CRACDL: variants seen among roughly 807,000 people sequenced by gnomAD.
CRACDL encodes the protein CRACD like, also known as CRACD-like protein.
Under a neutral mutation model 70.6 loss-of-function variants are expected in CRACDL, and 26 were observed. The ratio of observed to expected loss-of-function variants is 0.37; its 90% CI spans 0.27 to 0.51. The LOEUF is 0.51. Among genes scored for constraint, CRACDL ranks in the 20% least tolerant of loss-of-function variants. The pLI is 0.94. For missense variants in CRACDL, 1,283 were observed against 1,376.9 expected (o/e 0.93, Z 1.08); for synonymous variants, 618 against 615.2 (o/e 1.00, Z -0.07).
At chr2:98,875,601 G>A (rs980300029) in intron 1 of CRACDL, among the ~76,000 whole-genome samples, 1 of 152,254 alleles carries the variant, frequency 6.6e-6, no homozygotes, top group Admixed American at 6.5e-5. Context: ...CTATCAGCTG[G>A]TGGTCTGGGC....
rs753045151 is a variant in CRACDL at position 98,822,198 on chromosome 2, G to C, written c.2075C>G (p.Ser692Trp). Residue 692 changes from serine to tryptophan, a missense_variant, in exon 7 of 10, where the codon TCG (serine) becomes TGG (tryptophan). Ser to Trp is a radical substitution (Grantham distance 177). Coordinates refer to ENST00000397899, the MANE Select transcript of CRACDL (RefSeq NM_207362.3). This position sits in a 1 kb window ranked among gnomAD's most constrained non-coding sequence, Gnocchi z 4.9. ...AGAGGCGCCATCCCTGTATTTGAGC[G>C]AGAGGGAGGTGGACCGGAGCTTGAC... Reference protein sequence around the residue: ...FPVKLRSTSLSLKYRDGASQE... With the variant: ...FPVKLRSTSLWLKYRDGASQE... 1 of 1,610,916 alleles carries C rather than the reference G, an allele frequency of 6.2e-7. No individual in the cohort carries two copies. The highest frequency in any genetic ancestry group is 1.7e-5 in the Admixed American group (1 of 59,910).
chr2:98,922,213 A>G (rs1040960139), intron 1 of CRACDL, among the ~76,000 whole-genome samples: 4 of 152,070 alleles, frequency 2.6e-5, no homozygotes, highest in African/African-American at 9.7e-5. Flanking sequence ...AGGCAGGTGG[A>G]TCATGAGGTC....
At chr2:98,896,740 TTTG>T (rs1172075122) in intron 1 of CRACDL, among the ~76,000 whole-genome samples, 5 of 152,176 alleles carry the variant, frequency 3.3e-5, no homozygotes, top group Non-Finnish European at 5.9e-5. Context: ...CCTATCTTAC[TTTG>T]TTGTTGTTGT....
intron 1 of CRACDL, among the ~76,000 whole-genome samples, chr2:98,873,874 C>A (rs1707414654): frequency 6.6e-6 from 1 of 152,176 alleles, no homozygotes; most frequent in Admixed American, 6.5e-5. Flanking sequence ...GGCGTGGTGG[C>A]ACATGCCTGT....
intron 1 of CRACDL, among the ~76,000 whole-genome samples, chr2:98,930,664 G>A (rs538928826): frequency 3.3e-5 from 5 of 152,014 alleles, no homozygotes; most frequent in East Asian, 1.9e-4. Flanking sequence ...TCTAAATTGC[G>A]TCAAGGTTGT....
At chr2:98,919,343 A>AT (rs770831872) in intron 1 of CRACDL, among the ~76,000 whole-genome samples, 25 of 152,092 alleles carry the variant, frequency 1.6e-4, no homozygotes, top group Non-Finnish European at 2.8e-4. Context: ...TTTCAGGACA[A>AT]TTTTTTCCTT....
Position 98,822,587 on chromosome 2 carries a change from C to A in CRACDL, c.1686G>T (p.Glu562Asp). The change falls in exon 7 of 10, where the codon GAG becomes GAT. Residue 562 changes from glutamate (E) to aspartate (D), a missense_variant. Physicochemically the swap from Glu to Asp is conservative, Grantham distance 45 (BLOSUM62 2). Coordinates refer to ENST00000397899, the MANE Select transcript of CRACDL (RefSeq NM_207362.3). This position sits in a 1 kb window ranked among gnomAD's most constrained non-coding sequence, Gnocchi z 4.9. ...CGCCTCGCAGCTCGGCACCGCCCCT[C>A]TCCGCCTTCCGCTCTGGCGCCGCCC... ...AERAAPERKA[E>D]RGGAELRGAK... The A allele has an allele frequency of 1.4e-6, 2 of 1,442,346 alleles. No homozygotes were observed. Among genetic ancestry groups the A allele is most frequent in the Non-Finnish European group, 9.1e-7 (1 of 1,103,748 alleles). The allele number at this position is 1,442,346 out of a possible 1,614,324, so 89.3% of individuals were successfully genotyped here.
At chr2:98,834,649 A>G (rs1037519484) in intron 3 of CRACDL, among the ~76,000 whole-genome samples, 7 of 152,244 alleles carry the variant, frequency 4.6e-5, no homozygotes, top group Non-Finnish European at 8.8e-5. Flanking sequence ...GTGCAAAGAT[A>G]CCTACATTGA....
chr2:98,921,116 C>T (rs1380452378), intron 1 of CRACDL, among the ~76,000 whole-genome samples: 1 of 152,254 alleles, frequency 6.6e-6, no homozygotes, highest in Non-Finnish European at 1.5e-5. Flanking sequence ...GATCCTCTCT[C>T]CCTTGGGAAG....
In CRACDL at chr2:98,910,520, C is replaced by CT. The variant is rs1558635583; in HGVS notation, c.-11+25417_-11+25418insA. On this transcript the variant is annotated intron_variant, in intron 1 of 9. Coordinates refer to ENST00000397899, the MANE Select transcript of CRACDL (RefSeq NM_207362.3). Reference sequence around the variant, plus strand: ...TGGGCAACACAGCAAGACTCTGTCTCAAAATAAATAAATAAATAAATAAAT... The same window carrying CT: ...TGGGCAACACAGCAAGACTCTGTCTCTAAAATAAATAAATAAATAAATAAAT... Among the ~76,000 whole-genome samples, 7 of 88,838 alleles carry CT rather than the reference C, an allele frequency of 7.9e-5. No individual in the cohort carries two copies. In the East Asian group the frequency reaches 1.1e-3, roughly 14 times the overall value. The allele number at this position is 88,838 out of a possible 152,430, so 58.3% of individuals were successfully genotyped here.
chr2:98,862,238 G>T (rs1278256868), intron 1 of CRACDL, among the ~76,000 whole-genome samples: 2 of 152,152 alleles, frequency 1.3e-5, no homozygotes, highest in Non-Finnish European at 2.9e-5. Context: ...CTGATCATCA[G>T]CACTAAGACT....
At chr2:98,897,430 C>T (rs1309071071) in intron 1 of CRACDL, 2 of 1,299,200 alleles carry the variant, frequency 1.5e-6, no homozygotes, top group Non-Finnish European at 1.0e-6. Context: ...GTGTCCTTAT[C>T]TCAGCATACC....
intron 7 of CRACDL, among the ~76,000 whole-genome samples, chr2:98,805,584 C>T (rs1041851379): frequency 3.3e-5 from 5 of 152,206 alleles, no homozygotes; most frequent in South Asian, 4.1e-4. Flanking sequence ...AGAGCCTCCC[C>T]TCCTCTTGCT....
chr2:98,823,115 G>A lies in CRACDL; in HGVS notation c.1158C>T (p.Asp386=). The A allele has an allele frequency of 6.3e-7, 1 of 1,575,926 alleles. No homozygotes were observed. Among genetic ancestry groups the A allele is most frequent in the Non-Finnish European group, 8.6e-7 (1 of 1,164,474 alleles). The part of the protein sequence containing the change: ...PPAGPCAPAT[D]KAEEVVCAPE... ...GAGCACAGACCACCTCCTCCGCCTT[G>A]TCCGTGGCCGGGGCACACGGGCCTG... Residue 386 remains aspartate (D), a synonymous_variant, in exon 7 of 10, where the codon GAC becomes GAT. Transcript: ENST00000397899. This position sits in a 1 kb window ranked among gnomAD's most constrained non-coding sequence, Gnocchi z 4.0.
intron 1 of CRACDL, among the ~76,000 whole-genome samples, chr2:98,934,143 A>G (rs1709150571): frequency 6.6e-6 from 1 of 151,048 alleles, no homozygotes; most frequent in South Asian, 2.1e-4. Context: ...CCATAGCACT[A>G]TCACTGCTCT....
chr2:98,849,712 G>T (rs1444733209), intron 1 of CRACDL, among the ~76,000 whole-genome samples: 1 of 151,484 alleles, frequency 6.6e-6, no homozygotes, highest in African/African-American at 2.4e-5. Flanking sequence ...AGGAGGCAAA[G>T]GTTGCCCACC....
At chr2:98,836,036 T>C (rs1705765349) in intron 3 of CRACDL, among the ~76,000 whole-genome samples, 1 of 152,078 alleles carries the variant, frequency 6.6e-6, no homozygotes, top group Non-Finnish European at 1.5e-5. Context: ...AGGAAAGAGT[T>C]GAGTCACACC....
At chr2:98,865,024 C>T (rs893435883) in intron 1 of CRACDL, among the ~76,000 whole-genome samples, 7 of 152,180 alleles carry the variant, frequency 4.6e-5, no homozygotes, top group African/African-American at 1.4e-4. Flanking sequence ...ATGGAGAAGA[C>T]TGGAGGTGCA....
chr2:98,915,243 G>A (rs1007983850), intron 1 of CRACDL, among the ~76,000 whole-genome samples: 3 of 152,190 alleles, frequency 2.0e-5, no homozygotes, highest in African/African-American at 4.8e-5. Context: ...TGCTGGAGAG[G>A]TGCTGGCCAC....
Sources: allele counts gnomAD v4.1 joint callset (sites outside exome capture counted in the v4.1 genomes callset), GRCh38; gene constraint gnomAD v4.1.1; non-coding constraint Gnocchi (gnomAD v3.1); transcripts MANE v1.5; gene names NCBI Gene and HGNC (gene_info 2026-07-23, HGNC 2026-07-21).